Variants in KCNK13 observed in about 807,000 individuals in gnomAD.
KCNK13 encodes potassium two pore domain channel subfamily K member 13.
In KCNK13, 12 loss-of-function variants were observed where a neutral mutation model predicts 23.4. The observed-to-expected ratio is 0.51, with a 90% confidence interval of 0.33 to 0.83. The LOEUF (loss-of-function observed/expected upper bound fraction) is 0.83, where lower values mean the gene tolerates loss of function less well. Among genes scored for constraint, KCNK13 ranks in the 40% least tolerant of loss-of-function variants. The pLI is 0.02. For missense variants in KCNK13, 463 were observed against 556.3 expected, an observed-to-expected ratio of 0.83 and a Z score of 1.69; for synonymous variants, 231 against 229.5, an observed-to-expected ratio of 1.01 and a Z score of -0.06.
At chr14:90,140,938 C>T (rs1338854573) in intron 1 of KCNK13, among the ~76,000 whole-genome samples, 2 of 152,182 alleles carry the variant, frequency 1.3e-5, no homozygotes, top group Admixed American at 1.3e-4. Flanking sequence ...CAGCCACCCA[C>T]TCTCACATTA....
At chr14:90,166,917 A>G (rs1890310461) in intron 1 of KCNK13, among the ~76,000 whole-genome samples, 1 of 152,002 alleles carries the variant, frequency 6.6e-6, no homozygotes, top group Non-Finnish European at 1.5e-5. Flanking sequence ...CTCATCTGGA[A>G]CACCCTATCC....
intron 1 of KCNK13, among the ~76,000 whole-genome samples, chr14:90,104,032 C>T (rs1554116): frequency 6.6e-6 from 1 of 151,966 alleles, no homozygotes; most frequent in East Asian, 1.9e-4. Context: ...TTCCTGAAGA[C>T]CCTGTCTTTC....
chr14:90,127,640 C>T (rs1304210612), intron 1 of KCNK13, among the ~76,000 whole-genome samples: 1 of 102,388 alleles, frequency 9.8e-6, no homozygotes, highest in African/African-American at 3.8e-5. Flanking sequence ...TCTCAAGACC[C>T]CCAACTCTAA....
chr14:90,182,825 T>TAA (rs11298963), intron 1 of KCNK13, among the ~76,000 whole-genome samples: 2 of 142,284 alleles, frequency 1.4e-5, no homozygotes, highest in Non-Finnish European at 1.5e-5. Context: ...CCCATCTCTT[T>TAA]AAAAAAAAAA....
chr14:90,158,730 A>G (rs1463317122), intron 1 of KCNK13, among the ~76,000 whole-genome samples: 1 of 152,134 alleles, frequency 6.6e-6, no homozygotes, highest in Non-Finnish European at 1.5e-5. Flanking sequence ...ATATTTGACA[A>G]ACATTGTCCT....
chr14:90,178,496 G>T (rs998480922), intron 1 of KCNK13, among the ~76,000 whole-genome samples: 3 of 151,386 alleles, frequency 2.0e-5, no homozygotes, highest in African/African-American at 7.3e-5. Flanking sequence ...CTTCATGTTG[G>T]TCAGGCTGGT....
chr14:90,135,027 T>A (rs1889919105), intron 1 of KCNK13, among the ~76,000 whole-genome samples: 1 of 152,220 alleles, frequency 6.6e-6, no homozygotes, highest in Non-Finnish European at 1.5e-5. Context: ...TCAATTCATC[T>A]TACTTTCAGA....
At chr14:90,135,404 C>CA (rs1889923676) in intron 1 of KCNK13, among the ~76,000 whole-genome samples, 2 of 152,164 alleles carry the variant, frequency 1.3e-5, no homozygotes, top group African/African-American at 4.8e-5. Flanking sequence ...ACCGACATCT[C>CA]AAACTGTTTC....
At chr14:90,134,707 C>T (rs1298180599) in intron 1 of KCNK13, among the ~76,000 whole-genome samples, 3 of 152,196 alleles carry the variant, frequency 2.0e-5, no homozygotes, top group East Asian at 1.9e-4. Context: ...TCATCTCCCA[C>T]TTTACTAACA....
intron 1 of KCNK13, among the ~76,000 whole-genome samples, chr14:90,138,774 T>G (rs573323766): frequency 6.6e-6 from 1 of 152,332 alleles, no homozygotes; most frequent in South Asian, 2.1e-4. Flanking sequence ...CCATGGGGCC[T>G]TTTTCTTCTC....
At chr14:90,126,503 C>G (rs1275224914) in intron 1 of KCNK13, among the ~76,000 whole-genome samples, 1 of 149,858 alleles carries the variant, frequency 6.7e-6, no homozygotes, top group Non-Finnish European at 1.5e-5. Context: ...CCTCTCTGGC[C>G]TTCTTTCCCA....
chr14:90,115,517 C>T (rs1889666053), intron 1 of KCNK13, among the ~76,000 whole-genome samples: 1 of 152,310 alleles, frequency 6.6e-6, no homozygotes, highest in Middle Eastern at 3.4e-3. Flanking sequence ...ATAAACTCCA[C>T]ATTCAATTCA....
intron 1 of KCNK13, among the ~76,000 whole-genome samples, chr14:90,126,258 C>T (rs964091193): frequency 1.3e-5 from 2 of 152,068 alleles, no homozygotes; most frequent in Non-Finnish European, 2.9e-5. Context: ...ACTCCCCACT[C>T]CTAAGTGTGG....
intron 1 of KCNK13, among the ~76,000 whole-genome samples, chr14:90,173,965 T>A (rs556600078): frequency 2.6e-5 from 4 of 152,240 alleles, no homozygotes; most frequent in African/African-American, 9.6e-5. Flanking sequence ...ACATCTTACA[T>A]GGCAGCAGGC....
At chr14:90,172,507 C>G (rs1174661316) in intron 1 of KCNK13, among the ~76,000 whole-genome samples, 2 of 152,114 alleles carry the variant, frequency 1.3e-5, no homozygotes, top group Non-Finnish European at 2.9e-5. Context: ...CAAACCCTGG[C>G]TTGTCAAATT....
chr14:90,158,145 A>T (rs1025539968), intron 1 of KCNK13, among the ~76,000 whole-genome samples: 9 of 152,310 alleles, frequency 5.9e-5, no homozygotes, highest in African/African-American at 1.9e-4. Context: ...AGGCGACCAC[A>T]GCAGGAGCAG....
At chr14:90,178,738 A>C (rs1472981708) in intron 1 of KCNK13, among the ~76,000 whole-genome samples, 1 of 152,244 alleles carries the variant, frequency 6.6e-6, no homozygotes, top group African/African-American at 2.4e-5. Flanking sequence ...CTTTCCAGAC[A>C]GTTTATACCA....
At chr14:90,148,188 T>C (rs1890095583) in intron 1 of KCNK13, among the ~76,000 whole-genome samples, 1 of 151,964 alleles carries the variant, frequency 6.6e-6, no homozygotes, top group Admixed American at 6.6e-5. Context: ...TAATAACAAG[T>C]CTTAGGTTTA....
At position 90,131,190 on chromosome 14, in the gene KCNK13, T is replaced by C. The variant is rs1413164599; in HGVS notation, c.335-52921T>C. 5.9e-5 allele frequency among the ~76,000 whole-genome samples: 9 copies of C among 152,246 alleles called. No homozygotes were observed. The East Asian group carries it at 1.7e-3, about 29-fold the overall frequency. ...AGTAACTATTCCTCTTCACACCCAT[T>C]AGGATGGCTGTTATTGTTATTATTT... On this transcript the variant is annotated intron_variant, in intron 1 of 1. Coordinates refer to ENST00000282146, the MANE Select transcript of KCNK13 (RefSeq NM_022054.4).
Sources: allele counts gnomAD v4.1 joint callset (sites outside exome capture counted in the v4.1 genomes callset), GRCh38; gene constraint gnomAD v4.1.1; transcripts MANE v1.5; gene names NCBI Gene and HGNC (gene_info 2026-07-23, HGNC 2026-07-21).